PTCH1: variants seen among roughly 807,000 people sequenced by gnomAD.
PTCH1 encodes the protein patched 1.
PTCH1 carries 14 observed loss-of-function variants against 144.6 expected under a neutral mutation model. That is an observed-to-expected ratio of 0.10 (90% CI 0.06 to 0.15). The LOEUF is 0.15. PTCH1 is among the 10% of genes least tolerant of loss of function. The pLI is 1.00. For missense variants in PTCH1, 1,623 were observed against 1,948.3 expected, an observed-to-expected ratio of 0.83 and a Z score of 3.14; for synonymous variants, 833 against 793.6, an observed-to-expected ratio of 1.05 and a Z score of -0.83.
chr9:95,497,287 G>A (rs1842858738), intron 2 of PTCH1, among the ~76,000 whole-genome samples: 1 of 152,216 alleles, frequency 6.6e-6, no homozygotes, highest in African/African-American at 2.4e-5. Context: ...GTCATTGCTG[G>A]CAGCATCGTA....
rs796406246 is a variant in PTCH1 at position 95,444,810 on chromosome 9, CAT to C, written c.*1581_*1582del. 1.3e-5 allele frequency: 2 copies of C among 152,374 alleles called. No individual in the cohort carries two copies. Among genetic ancestry groups the C allele is most frequent in the African/African-American group, 4.8e-5 (2 of 41,546 alleles). The allele number at this position is 152,374 out of a possible 1,614,324, so 9.4% of individuals were successfully genotyped here. On this transcript the variant is annotated 3_prime_UTR_variant, in exon 24 of 24. Transcript: ENST00000331920. ...GAGCCGACACTGGGTGCTTCCCTGACATGTGCTGGTCTCTGGTTACGAGATGA... is the reference window on the plus strand; with the variant it reads ...GAGCCGACACTGGGTGCTTCCCTGACGTGCTGGTCTCTGGTTACGAGATGA...
rs948568790 is a variant in PTCH1, at chr9:95,469,823, A to G, written c.1837T>C (p.Cys613Arg). The change falls in exon 13 of 24, where the codon TGT becomes CGT. Residue 613 changes from cysteine to arginine, a missense_variant. Around this residue, in one of 7 missense-constraint regions of PTCH1, gnomAD observed 135 missense variants for 228.7 expected, o/e 0.59. Transcript: ENST00000331920. ...REDRRLDIFC[C>R]FTSPCVSRVI... ...AGTCTGAAAATGTACCTTGTAAAAC[A>G]GCAGAAAATATCCAGTCTCCTGTCC... The G allele has an allele frequency of 1.2e-5, 19 of 1,612,636 alleles. No individual in the cohort carries two copies. Among genetic ancestry groups the G allele is most frequent in the Non-Finnish European group, 1.6e-5 (19 of 1,178,742 alleles).
intron 2 of PTCH1, among the ~76,000 whole-genome samples, chr9:95,487,249 G>T (rs1842041214): frequency 6.6e-6 from 1 of 152,178 alleles, no homozygotes. Flanking sequence ...CGTGAGGTGA[G>T]GTTTAACATA....
At chr9:95,460,447 G>C (rs776125617) in intron 16 of PTCH1, among the ~76,000 whole-genome samples, 3 of 152,102 alleles carry the variant, frequency 2.0e-5, no homozygotes, top group Non-Finnish European at 4.4e-5. Flanking sequence ...GAACTCTGTG[G>C]GACTCAGTAT....
chr9:95,474,862 G>C (rs1295138361), intron 12 of PTCH1, among the ~76,000 whole-genome samples: 1 of 152,194 alleles, frequency 6.6e-6, no homozygotes, highest in Non-Finnish European at 1.5e-5. Flanking sequence ...GGTGAGTAGA[G>C]TAAAGCTGTG....
chr9:95,453,349 T>C lies in PTCH1; in HGVS notation c.3449+129A>G, dbSNP rs28583690. On this transcript the variant is annotated intron_variant, in intron 20 of 23. Coordinates refer to ENST00000331920, the MANE Select transcript of PTCH1 (RefSeq NM_000264.5). ...TTTCACCATCTTGGCCAGGCTGGTC[T>C]TGAACTCCTTGACCTTCTGATCCAC... 0.089 allele frequency: 125,003 copies of C among 1,400,058 alleles called. 5,901 individuals carry two copies. The highest frequency in any genetic ancestry group is 0.12 in the African/African-American group (8,574 of 70,958). The allele number at this position is 1,400,058 out of a possible 1,614,324, so 86.7% of individuals were successfully genotyped here.
intron 6 of PTCH1, 103 bp from the exon 7 acceptor site, chr9:95,480,193 T>C (rs558940423): frequency 8.9e-6 from 14 of 1,580,446 alleles, no homozygotes; most frequent in African/African-American, 1.3e-5. Flanking sequence ...AGAGAGAACA[T>C]TAATAGCAAG....
chr9:95,447,898 T>C (rs1199430272), intron 22 of PTCH1, among the ~76,000 whole-genome samples: 1 of 152,190 alleles, frequency 6.6e-6, no homozygotes, highest in Non-Finnish European at 1.5e-5. Context: ...GCTCCAGACA[T>C]GTGGTTGCTT....
rs1841439010 is a variant in PTCH1, at chr9:95,480,396, T to C, written c.939A>G (p.Ser313=). 1.2e-6 allele frequency: 2 copies of C among 1,610,372 alleles called. No individual in the cohort carries two copies. Among genetic ancestry groups the C allele is most frequent in the Admixed American group, 1.7e-5 (1 of 59,326 alleles). ...GCTCACTGCTGGTACTCACTTTGGT[T>C]GAATTTTTGTTGGGGGCTGTGGCGG... is the stretch of plus-strand genomic sequence containing the variant. The part of the protein sequence containing the change: ...DCPATAPNKN[S]TKPLDMALVL... Residue 313 remains serine, a synonymous_variant, in exon 6 of 24, where the codon TCA becomes TCG. Transcript: ENST00000331920.
intron 23 of PTCH1, 44 bp from the exon 24 acceptor site, chr9:95,446,435 G>A: frequency 1.9e-6 from 1 of 517,896 alleles, no homozygotes; most frequent in Non-Finnish European, 3.8e-6. Context: ...AGTAAGAGGT[G>A]TGCAAGTCCG....
At chr9:95,473,478 A>C (rs754617117) in intron 12 of PTCH1, among the ~76,000 whole-genome samples, 10 of 151,886 alleles carry the variant, frequency 6.6e-5, no homozygotes, top group Non-Finnish European at 1.3e-4. Context: ...AACCAGGGAA[A>C]ATTTTCTGAT....
chr9:95,510,062 C>CACCGATTCGGA (rs1273169726), upstream of PTCH1, among the ~76,000 whole-genome samples: 1 of 150,696 alleles, frequency 6.6e-6, no homozygotes, highest in East Asian at 1.9e-4. Context: ...ACGTGGAATC[C>CACCGATTCGGA]AGACACCGAA....
intron 2 of PTCH1, among the ~76,000 whole-genome samples, chr9:95,503,678 G>C (rs1449557808): frequency 6.6e-6 from 1 of 151,998 alleles, no homozygotes; most frequent in African/African-American, 2.4e-5. Context: ...CTGTAAAATG[G>C]GACAATCCTC....
upstream of PTCH1, among the ~76,000 whole-genome samples, chr9:95,510,160 T>TA (rs756439037): frequency 6.6e-6 from 1 of 152,190 alleles, no homozygotes; most frequent in Admixed American, 6.5e-5. Flanking sequence ...TTTTACAACT[T>TA]AGAGAAACGG....
Position 95,444,507 on chromosome 9 carries a change from A to ACG in PTCH1, c.*1884_*1885dup, listed in dbSNP as rs150458086. 6.4e-5 allele frequency: 9 copies of ACG among 139,588 alleles called. No individual in the cohort carries two copies. The highest frequency in any genetic ancestry group is 4.3e-4 in the East Asian group (2 of 4,624). The allele number at this position is 139,588 out of a possible 1,614,324, so 8.6% of individuals were successfully genotyped here. A position where few individuals can be genotyped will look rare whatever the true frequency, so the allele number is the denominator to read the frequency against. On this transcript the variant is annotated 3_prime_UTR_variant, in exon 24 of 24. Transcript: ENST00000331920. ...AGCAGAGACACACACACACGCACGC[A>ACG]CGCACACACACACACACACACCCAG... is the stretch of plus-strand genomic sequence containing the variant.
At chr9:95,475,980 T>A in intron 12 of PTCH1, 54 bp downstream of exon 12, 1 of 1,611,136 alleles carries the variant, frequency 6.2e-7, no homozygotes, top group African/African-American at 1.3e-5. Context: ...CATGGGATGC[T>A]GGAAGTCAGT....
chr9:95,502,267 T>A (rs1564082033), intron 2 of PTCH1, among the ~76,000 whole-genome samples: 1 of 152,232 alleles, frequency 6.6e-6, no homozygotes, highest in Non-Finnish European at 1.5e-5. Context: ...TTGGCACTGC[T>A]GTCCTTCATG....
Position 95,508,385 on chromosome 9 carries a change from C to CGCA in PTCH1, c.-25_-24insTGC. On this transcript the variant is annotated 5_prime_UTR_variant, in exon 1 of 24. Transcript: ENST00000331920. ...ATGTTGCCGCCGCCGCCGCCGCCGC[C>CGCA]GCGGGGACGGAGGCTTCCCGGGCGG... The CGCA allele has an allele frequency of 1.7e-6, 2 of 1,143,590 alleles. No homozygotes were observed. The highest frequency in any genetic ancestry group is 2.1e-6 in the Non-Finnish European group (2 of 933,512). 70.8% of individuals were successfully genotyped at this position (1,143,590 alleles called of 1,614,324 possible). A position where few individuals can be genotyped will look rare whatever the true frequency, so the allele number is the denominator to read the frequency against.
intron 3 of PTCH1, chr9:95,483,551 CT>C (rs1360963015): frequency 6.6e-6 from 1 of 152,520 alleles, no homozygotes; most frequent in African/African-American, 2.4e-5. Context: ...TCTCAGCGCC[CT>C]GTTGAAATGT....
Sources: allele counts gnomAD v4.1 joint callset (sites outside exome capture counted in the v4.1 genomes callset), GRCh38; gene constraint gnomAD v4.1.1; regional missense constraint gnomAD v4.1.1; transcripts MANE v1.5; gene names NCBI Gene and HGNC (gene_info 2026-07-23, HGNC 2026-07-21).